REL: variants seen among roughly 807,000 people sequenced by gnomAD.
The protein encoded by REL is proto-oncogene c-Rel.
In REL, 15 loss-of-function variants were observed where a neutral mutation model predicts 45.9. That is an observed-to-expected ratio of 0.33 (90% CI 0.22 to 0.50). The LOEUF is 0.50. Ranked by LOEUF, REL falls within the 20% of genes least tolerant of loss-of-function variation. The pLI is 0.98. For synonymous variants in REL, 239 were observed against 242.1 expected, an observed-to-expected ratio of 0.99 and a Z score of 0.12; for missense variants, 601 against 715.2, an observed-to-expected ratio of 0.84 and a Z score of 1.82.
At chr2:60,893,831 TC>T in intron 2 of REL, among the ~76,000 whole-genome samples, 1 of 152,310 alleles carries the variant, frequency 6.6e-6, no homozygotes, top group East Asian at 1.9e-4. Flanking sequence ...TGTTAAACTC[TC>T]CTTTTTACTC....
In REL at chr2:60,922,395, A is replaced by T; in HGVS notation, c.1624A>T (p.Met542Leu). ...GSDFSCADNSMINESGPSNST... is the reference protein window; with the variant it reads ...GSDFSCADNSLINESGPSNST... ...TGACTTCAGTTGTGCAGATAACAGC[A>T]TGATAAATGAGTCGGGACCATCAAA... The change falls in exon 10 of 10, where the codon ATG becomes TTG. Residue 542 changes from methionine (M) to leucine (L), a missense_variant. Met to Leu is a conservative substitution (Grantham distance 15). This residue lies in a region of REL where 334 missense variants were observed against 333.1 expected (regional missense o/e 1.00). Coordinates refer to ENST00000394479, the MANE Select transcript of REL (RefSeq NM_001291746.2). The T allele has an allele frequency of 6.2e-7, 1 of 1,614,146 alleles. No individual in the cohort carries two copies. The highest frequency in any genetic ancestry group is 8.5e-7 in the Non-Finnish European group (1 of 1,180,014).
In REL at chr2:60,881,846, C is replaced by T; in HGVS notation, c.6C>T (p.Ala2=). 2.6e-6 allele frequency: 4 copies of T among 1,512,334 alleles called. No homozygotes were observed. The highest frequency in any genetic ancestry group is 2.7e-6 in the Non-Finnish European group (3 of 1,131,580). The allele number at this position is 1,512,334 out of a possible 1,614,324, so 93.7% of individuals were successfully genotyped here. A position where few individuals can be genotyped will look rare whatever the true frequency, so the allele number is the denominator to read the frequency against. M[A]SGAYNPYIEI... is the part of the protein sequence containing the mutation. ...AAGGTGCGGGGAGCGGAGCCATGGCCTCCGGTGAGTGTTCATGGGGCGCGG... is the reference window on the plus strand; with the variant it reads ...AAGGTGCGGGGAGCGGAGCCATGGCTTCCGGTGAGTGTTCATGGGGCGCGG... Residue 2 remains alanine, a synonymous_variant, in exon 1 of 10, where the codon GCC becomes GCT. Transcript: ENST00000394479.
rs1674372897 is a variant in REL at position 60,931,024 on chromosome 2, CTT to C, written c.*8491_*8492del. The C allele has an allele frequency of 6.6e-6, 1 of 152,152 alleles. No homozygotes were observed. The highest frequency in any genetic ancestry group is 1.5e-5 in the Non-Finnish European group (1 of 68,016). 9.4% of individuals were successfully genotyped at this position (152,152 alleles called of 1,614,324 possible). A position where few individuals can be genotyped will look rare whatever the true frequency, so the allele number is the denominator to read the frequency against. The stretch of plus-strand genomic sequence containing the variant: ...CATCTTGCCCATTTTTCCTCTTAAA[CTT>C]TATTATCTAATCAAACATAGTTTTC... On this transcript the variant is annotated 3_prime_UTR_variant, in exon 10 of 10. Coordinates refer to ENST00000394479, the MANE Select transcript of REL (RefSeq NM_001291746.2).
intron 3 of REL, among the ~76,000 whole-genome samples, chr2:60,895,335 C>G (rs1317411929): frequency 6.6e-6 from 1 of 152,018 alleles, no homozygotes; most frequent in Non-Finnish European, 1.5e-5. Flanking sequence ...GCATGTACCA[C>G]CATGCCCGGC....
intron 4 of REL, among the ~76,000 whole-genome samples, chr2:60,902,162 T>C (rs1001507377): frequency 6.6e-6 from 1 of 152,232 alleles, no homozygotes; most frequent in Non-Finnish European, 1.5e-5. Context: ...GACATCCTTA[T>C]ACTGTTGGTT....
rs548084125 is a variant in REL at position 60,909,934 on chromosome 2, G to A, written c.395-6943G>A. Among the ~76,000 whole-genome samples, 21 of 152,100 alleles carry A rather than the reference G, an allele frequency of 1.4e-4. No individual in the cohort carries two copies. The East Asian group carries it at 3.9e-3, about 28-fold the overall frequency. On this transcript the variant is annotated intron_variant, in intron 4 of 9. Transcript: ENST00000394479. ...ATAAAATTATTATTCCATATGCTGT[G>A]TATTTTTGCCTTGTTATTTATTTTT... is the stretch of plus-strand genomic sequence containing the variant.
rs367571075 is a variant in REL, at chr2:60,904,086, A to G, written c.394+3003A>G. The stretch of plus-strand genomic sequence containing the variant: ...TATAACAGCCTACGAAATAGGTACT[A>G]TTAATAACTCAATTTTAAAAATAAG... On this transcript the variant is annotated intron_variant, in intron 4 of 9. Coordinates refer to ENST00000394479, the MANE Select transcript of REL (RefSeq NM_001291746.2). Among the ~76,000 whole-genome samples, 67 of 152,262 alleles carry G rather than the reference A, an allele frequency of 4.4e-4. 1 individual carries two copies. The South Asian group carries it at 0.013, about 30-fold the overall frequency.
Position 60,921,867 on chromosome 2 carries a change from T to C in REL, c.1096T>C (p.Leu366=). 3 of 1,614,130 alleles carry C rather than the reference T, an allele frequency of 1.9e-6. No individual in the cohort carries two copies. The highest frequency in any genetic ancestry group is 2.2e-5 in the East Asian group (1 of 44,882). ...YPSPGPISSG[L]SHHASMAPLP... is the part of the protein sequence containing the mutation. ...CTCACCTGGGCCCATCTCAAGTGGA[T>C]TGTCACATCATGCCTCAATGGCACC... is the stretch of plus-strand genomic sequence containing the variant. The change falls in exon 10 of 10, where the codon TTG becomes CTG. Residue 366 remains leucine (L), a synonymous_variant. Coordinates refer to ENST00000394479, the MANE Select transcript of REL (RefSeq NM_001291746.2).
chr2:60,922,694 G>T lies in REL; in HGVS notation c.*159G>T, dbSNP rs1419404663. On this transcript the variant is annotated 3_prime_UTR_variant, in exon 10 of 10. Transcript: ENST00000394479. ...TGAGAATATAAAAAACTTTTTTCAG[G>T]GAAGAAGCATACAACTTTGGACATA... The T allele has an allele frequency of 3.1e-6, 4 of 1,284,188 alleles. No homozygotes were observed. Among genetic ancestry groups the T allele is most frequent in the Non-Finnish European group, 2.0e-6 (2 of 1,017,492 alleles). The allele number at this position is 1,284,188 out of a possible 1,614,324, so 79.5% of individuals were successfully genotyped here. A position where few individuals can be genotyped will look rare whatever the true frequency, so the allele number is the denominator to read the frequency against.
intron 4 of REL, among the ~76,000 whole-genome samples, 173 bp downstream of exon 4, chr2:60,901,256 A>G (rs1218992536): frequency 6.8e-6 from 1 of 148,004 alleles, no homozygotes; most frequent in African/African-American, 2.5e-5. Flanking sequence ...CCCAGGTTCA[A>G]GCAATTCTCC....
rs755936187 is a variant in REL, at chr2:60,901,148, C to CCCTTTTTTTTTTTTTTTTTTTTTTTTT, written c.394+65_394+66insCCTTTTTTTTTTTTTTTTTTTTTTTTT. Reference sequence around the variant, plus strand: ...GTTGATTTCTGTTTCTTTTTTCTTTCTCTTTTTTTTTTTTTTTTTTTTTTT... The same window carrying CCCTTTTTTTTTTTTTTTTTTTTTTTTT: ...GTTGATTTCTGTTTCTTTTTTCTTTCCCTTTTTTTTTTTTTTTTTTTTTTTTTTCTTTTTTTTTTTTTTTTTTTTTTT... On this transcript the variant is annotated intron_variant, in intron 4 of 9. Transcript: ENST00000394479. 2.4e-6 allele frequency: 2 copies of CCCTTTTTTTTTTTTTTTTTTTTTTTTT among 832,874 alleles called. 1 individual carries two copies. The allele number at this position is 832,874 out of a possible 1,614,324, so 51.6% of individuals were successfully genotyped here.
At chr2:60,889,977 C>T (rs1673167751) in intron 1 of REL, among the ~76,000 whole-genome samples, 1 of 152,134 alleles carries the variant, frequency 6.6e-6, no homozygotes, top group South Asian at 2.1e-4. Context: ...AATGGGATGG[C>T]TGGGTAAAAT....
chr2:60,918,512 C>T lies in REL; in HGVS notation c.759C>T (p.Ile253=), dbSNP rs1674045524. Reference sequence around the variant, plus strand: ...AAACTCCACCATATTGCAAAGCTATCACAGAACCCGTAACAGTAAAAATGC... The same window carrying T: ...AAACTCCACCATATTGCAAAGCTATTACAGAACCCGTAACAGTAAAAATGC... ...VFKTPPYCKA[I]TEPVTVKMQL... is the part of the protein sequence containing the mutation. The change falls in exon 7 of 10, where the codon ATC becomes ATT. Residue 253 remains isoleucine (I), a synonymous_variant. Coordinates refer to ENST00000394479, the MANE Select transcript of REL (RefSeq NM_001291746.2). 2 of 1,614,074 alleles carry T rather than the reference C, an allele frequency of 1.2e-6. No individual in the cohort carries two copies. The highest frequency in any genetic ancestry group is 4.5e-5 in the East Asian group (2 of 44,878).
chr2:60,909,716 C>A (rs1009556140), intron 4 of REL, among the ~76,000 whole-genome samples: 4 of 152,150 alleles, frequency 2.6e-5, no homozygotes, highest in African/African-American at 9.7e-5. Context: ...TCCTGGCCAA[C>A]ATAATGAAAC....
intron 1 of REL, among the ~76,000 whole-genome samples, chr2:60,888,908 C>T (rs1246892215): frequency 6.6e-6 from 1 of 152,142 alleles, no homozygotes; most frequent in African/African-American, 2.4e-5. Flanking sequence ...ATCAGAGATA[C>T]CCTCATCATT....
intron 1 of REL, among the ~76,000 whole-genome samples, chr2:60,884,181 C>T (rs933527769): frequency 6.6e-6 from 1 of 151,284 alleles, no homozygotes; most frequent in African/African-American, 2.4e-5. Context: ...ATTAAAACCT[C>T]AGAAAGTAAC....
intron 3 of REL, among the ~76,000 whole-genome samples, chr2:60,897,303 C>CT (rs34839609): frequency 0.22 from 32,180 of 143,700 alleles, 3,636 homozygotes; most frequent in Middle Eastern, 0.36. Flanking sequence ...TTTCTTTTTT[C>CT]TTTTTTTTTT....
At chr2:60,916,778 T>C in intron 4 of REL, 99 bp from the exon 5 acceptor site, 2 of 669,112 alleles carry the variant, frequency 3.0e-6, no homozygotes, top group Non-Finnish European at 5.0e-6. Context: ...ATTTGGATGC[T>C]ATTCAAGGTT....
intron 8 of REL, 54 bp downstream of exon 8, chr2:60,920,163 T>C: frequency 7.8e-7 from 1 of 1,286,746 alleles, no homozygotes; most frequent in South Asian, 1.3e-5. Flanking sequence ...TTATTTACTT[T>C]ATTCAGTTTT....
Sources: gnomAD v4.1 joint callset for allele counts (sites outside exome capture counted in the v4.1 genomes callset) on GRCh38, gnomAD v4.1.1 for gene constraint, gnomAD v4.1.1 regional missense constraint, MANE v1.5 for transcripts, NCBI Gene and HGNC (gene_info 2026-07-23, HGNC 2026-07-21) for gene names.